PRKD1: variants seen among roughly 807,000 people sequenced by gnomAD.
PRKD1 encodes the protein protein kinase D1, also known as serine/threonine-protein kinase D1.
In PRKD1, 63 loss-of-function variants were observed where a neutral mutation model predicts 95.9. That is an observed-to-expected ratio of 0.66 (90% CI 0.54 to 0.81). The LOEUF is 0.81. Among genes scored for constraint, PRKD1 ranks in the 30% least tolerant of loss-of-function variants. PRKD1 has a pLI of 0.00. For synonymous variants in PRKD1, 425 were observed against 423.1 expected, an observed-to-expected ratio of 1.00 and a Z score of -0.05; for missense variants, 1,048 against 1,165.3, an observed-to-expected ratio of 0.90 and a Z score of 1.47.
chr14:29,846,220 G>T (rs1399873335), intron 1 of PRKD1, among the ~76,000 whole-genome samples: 1 of 152,100 alleles, frequency 6.6e-6, no homozygotes, highest in Non-Finnish European at 1.5e-5. Flanking sequence ...GATTTATGGA[G>T]CTTACATTTT....
chr14:29,685,315 T>G (rs1883793843), intron 2 of PRKD1, among the ~76,000 whole-genome samples: 1 of 152,194 alleles, frequency 6.6e-6, no homozygotes, highest in Non-Finnish European at 1.5e-5. Context: ...TTATTCCAAA[T>G]GTATTTGAGA....
At chr14:29,686,799 C>T (rs975465822) in intron 2 of PRKD1, among the ~76,000 whole-genome samples, 1 of 152,120 alleles carries the variant, frequency 6.6e-6, no homozygotes, top group African/African-American at 2.4e-5. Flanking sequence ...TTAAGATAGT[C>T]CTTGGCACAC....
chr14:29,678,061 C>T (rs533991599), intron 2 of PRKD1, among the ~76,000 whole-genome samples: 1 of 152,258 alleles, frequency 6.6e-6, no homozygotes, highest in East Asian at 1.9e-4. Flanking sequence ...AAAACTGATT[C>T]ACTGATAATG....
chr14:29,677,488 A>C (rs1257187420), intron 2 of PRKD1, among the ~76,000 whole-genome samples: 4 of 152,160 alleles, frequency 2.6e-5, no homozygotes, highest in African/African-American at 7.2e-5. Flanking sequence ...TTTCTACTTC[A>C]TTTCATTTTG....
chr14:29,831,762 G>A (rs1399965114), intron 1 of PRKD1, among the ~76,000 whole-genome samples: 3 of 151,920 alleles, frequency 2.0e-5, no homozygotes, highest in Non-Finnish European at 2.9e-5. Flanking sequence ...AGTTTGCTGT[G>A]TATTCTTCTA....
intron 1 of PRKD1, among the ~76,000 whole-genome samples, chr14:29,841,737 T>C (rs1891855009): frequency 6.6e-6 from 1 of 152,082 alleles, no homozygotes; most frequent in Admixed American, 6.5e-5. Context: ...ACTAACTTTA[T>C]TTTTAAATTT....
intron 1 of PRKD1, among the ~76,000 whole-genome samples, chr14:29,909,907 C>T (rs1362495654): frequency 4.6e-5 from 7 of 152,058 alleles, no homozygotes; most frequent in African/African-American, 1.7e-4. Context: ...CTTTTGTGTC[C>T]AGCTCAGGGA....
chr14:29,684,810 T>C (rs1006208339), intron 2 of PRKD1, among the ~76,000 whole-genome samples: 1 of 152,214 alleles, frequency 6.6e-6, no homozygotes. Context: ...TGGCTTCTCC[T>C]GCAGTTATCA....
intron 1 of PRKD1, among the ~76,000 whole-genome samples, chr14:29,872,628 C>T (rs987472215): frequency 6.6e-6 from 1 of 150,660 alleles, no homozygotes; most frequent in African/African-American, 2.4e-5. Context: ...TGCACTCCAG[C>T]CTGGGCAACA....
intron 1 of PRKD1, among the ~76,000 whole-genome samples, chr14:29,923,655 GA>G (rs1282775352): frequency 6.6e-6 from 1 of 152,000 alleles, no homozygotes; most frequent in Non-Finnish European, 1.5e-5. Context: ...TCTGAAAAGT[GA>G]AACTATATGC....
intron 1 of PRKD1, among the ~76,000 whole-genome samples, chr14:29,922,159 T>G (rs564652570): frequency 6.6e-6 from 1 of 151,774 alleles, no homozygotes; most frequent in South Asian, 2.1e-4. Context: ...AAAATAGCAG[T>G]GCATGGTGGC....
rs72239992 is a variant in PRKD1, at chr14:29,750,616, G to GCGCACACACACACACACA, written c.265-24943_265-24942insTGTGTGTGTGTGTGTGCG. On this transcript the variant is annotated intron_variant, in intron 1 of 17. Transcript: ENST00000331968. ...CCTATCCCAGGATGCATGAACGCGC[G>GCGCACACACACACACACA]CACACACACACACACACACACTCAC... Among the ~76,000 whole-genome samples the GCGCACACACACACACACA allele has an allele frequency of 9.2e-3, 1,362 of 148,466 alleles. 14 individuals carry two copies. Among genetic ancestry groups the GCGCACACACACACACACA allele is most frequent in the African/African-American group, 0.032 (1,304 of 40,364 alleles).
At chr14:29,727,838 T>C (rs533318619) in intron 1 of PRKD1, among the ~76,000 whole-genome samples, 1 of 151,428 alleles carries the variant, frequency 6.6e-6, no homozygotes, top group Non-Finnish European at 1.5e-5. Flanking sequence ...CCATAAAAAA[T>C]GATGAGTTCA....
chr14:29,908,066 T>C (rs1439719017), intron 1 of PRKD1, among the ~76,000 whole-genome samples: 3 of 152,030 alleles, frequency 2.0e-5, no homozygotes, highest in African/African-American at 7.3e-5. Context: ...CATTTAAGTG[T>C]TGGTTATTGA....
intron 1 of PRKD1, among the ~76,000 whole-genome samples, chr14:29,858,601 G>GGTTACT (rs905549985): frequency 7.2e-5 from 11 of 152,110 alleles, no homozygotes; most frequent in African/African-American, 2.7e-4. Flanking sequence ...TCATGATACT[G>GGTTACT]GTTACTGTCC....
chr14:29,641,432 G>T (rs1880757620), intron 4 of PRKD1, among the ~76,000 whole-genome samples: 1 of 152,026 alleles, frequency 6.6e-6, no homozygotes, highest in South Asian at 2.1e-4. Context: ...CTTGACACAG[G>T]GTGCATGCAT....
At chr14:29,807,412 A>T (rs1291636510) in intron 1 of PRKD1, among the ~76,000 whole-genome samples, 1 of 151,768 alleles carries the variant, frequency 6.6e-6, no homozygotes, top group East Asian at 1.9e-4. Context: ...AAAAAAAAAA[A>T]TTGAGACAGG....
chr14:29,740,060 A>C (rs1332579844), intron 1 of PRKD1, among the ~76,000 whole-genome samples: 7 of 152,192 alleles, frequency 4.6e-5, no homozygotes, highest in Admixed American at 3.3e-4. Flanking sequence ...GTGTAAAAAC[A>C]TATTATCTTG....
In PRKD1 at chr14:29,713,997, T is replaced by C. The variant is rs959401557; in HGVS notation, c.403+11539A>G. 2.6e-5 allele frequency among the ~76,000 whole-genome samples: 4 copies of C among 152,200 alleles called. No individual in the cohort carries two copies. In the East Asian group the frequency reaches 7.7e-4, roughly 29 times the overall value. On this transcript the variant is annotated intron_variant, in intron 2 of 17. Coordinates refer to ENST00000331968, the MANE Select transcript of PRKD1 (RefSeq NM_002742.3). ...ATGTAACACACAATTAAATAAGATA[T>C]AGAAAATTTAAAACCCTGGAGAAAT...
Sources: gnomAD v4.1 joint callset for allele counts (sites outside exome capture counted in the v4.1 genomes callset) on GRCh38, gnomAD v4.1.1 for gene constraint, MANE v1.5 for transcripts, NCBI Gene and HGNC (gene_info 2026-07-23, HGNC 2026-07-21) for gene names.